SMG6: variants seen among roughly 807,000 people sequenced by gnomAD.
SMG6 encodes the protein telomerase-binding protein EST1A.
A neutral mutation model predicts 142.2 loss-of-function variants in SMG6; 66 were observed. That is an observed-to-expected ratio of 0.46 (90% CI 0.38 to 0.57). SMG6 has a LOEUF of 0.57. Ranked by LOEUF, SMG6 falls within the 20% of genes least tolerant of loss-of-function variation. The pLI, the probability that SMG6 is intolerant of heterozygous loss-of-function variation, is 0.00. For synonymous variants in SMG6, 779 were observed against 702.4 expected, an observed-to-expected ratio of 1.11 and a Z score of -1.72; for missense variants, 1,793 against 1,832.0, an observed-to-expected ratio of 0.98 and a Z score of 0.39.
chr17:2,131,639 A>G (rs1282778331), intron 13 of SMG6, among the ~76,000 whole-genome samples: 1 of 152,182 alleles, frequency 6.6e-6, no homozygotes, highest in Non-Finnish European at 1.5e-5. Context: ...TGGAAAGGAA[A>G]TGGCTGATTT....
chr17:2,186,512 G>T, intron 12 of SMG6, 151 bp downstream of exon 12: 1 of 778,194 alleles, frequency 1.3e-6, no homozygotes, highest in Non-Finnish European at 2.1e-6. Flanking sequence ...CAGAGGATAG[G>T]GAAGGTATTC....
At chr17:2,098,179 A>C (rs1241540475) in intron 13 of SMG6, among the ~76,000 whole-genome samples, 1 of 151,958 alleles carries the variant, frequency 6.6e-6, no homozygotes, top group Non-Finnish European at 1.5e-5. Context: ...ACGGGGTTTC[A>C]CCATATTGCC....
chr17:2,261,388 AT>A (rs2074311081), intron 8 of SMG6, among the ~76,000 whole-genome samples: 1 of 152,090 alleles, frequency 6.6e-6, no homozygotes, highest in Non-Finnish European at 1.5e-5. Flanking sequence ...GTATGCTTAC[AT>A]TGTCACAATT....
chr17:2,118,545 A>C (rs890649427), intron 13 of SMG6, among the ~76,000 whole-genome samples: 1 of 152,202 alleles, frequency 6.6e-6, no homozygotes, highest in South Asian at 2.1e-4. Context: ...TCTCAAAAAA[A>C]AATTTATTTC....
At position 2,085,870 on chromosome 17, in the gene SMG6, A is replaced by T; in HGVS notation, c.3389T>A (p.Val1130Glu). The change falls in exon 14 of 19, where the codon GTG becomes GAG. Residue 1130 changes from valine (V) to glutamate (E), a missense_variant. Transcript: ENST00000263073. The surrounding 1 kb of genome is among the most constrained non-coding windows in gnomAD (Gnocchi z 4.1). Reference protein sequence around the residue: ...VIAADCKRVTVLKYFLEALCG... With the variant: ...VIAADCKRVTELKYFLEALCG... Reference sequence around the variant, plus strand: ...AAGGGCTTCCAGAAAATACTTCAGCACTGTGACCCTTTTGCAGTCAGCTGC... The same window carrying T: ...AAGGGCTTCCAGAAAATACTTCAGCTCTGTGACCCTTTTGCAGTCAGCTGC... 6.2e-7 allele frequency: 1 copy of T among 1,614,184 alleles called. No homozygotes were observed. Among genetic ancestry groups the T allele is most frequent in the Non-Finnish European group, 8.5e-7 (1 of 1,180,018 alleles).
At chr17:2,146,754 T>C (rs1189129987) in intron 13 of SMG6, among the ~76,000 whole-genome samples, 2 of 152,080 alleles carry the variant, frequency 1.3e-5, no homozygotes, top group African/African-American at 2.4e-5. Flanking sequence ...TTAGTAGAAA[T>C]TGGGTTTCAC....
chr17:2,106,326 CCT>C (rs1436101060), intron 13 of SMG6, among the ~76,000 whole-genome samples: 5 of 152,234 alleles, frequency 3.3e-5, no homozygotes, highest in African/African-American at 1.2e-4. Flanking sequence ...TGTTCCATGC[CCT>C]GTTATGCCAG....
chr17:2,144,901 C>G (rs770766283), intron 13 of SMG6, among the ~76,000 whole-genome samples: 7 of 152,052 alleles, frequency 4.6e-5, no homozygotes, highest in Non-Finnish European at 8.8e-5. Flanking sequence ...GCTTTCAGGC[C>G]CGCTCACCAT....
At chr17:2,278,563 A>G (rs2074712966) in intron 8 of SMG6, among the ~76,000 whole-genome samples, 1 of 152,200 alleles carries the variant, frequency 6.6e-6, no homozygotes, top group South Asian at 2.1e-4. Context: ...TAGTTATGCA[A>G]CTTGAAAAGT....
chr17:2,294,197 A>G (rs2075099099), intron 4 of SMG6, among the ~76,000 whole-genome samples: 1 of 152,204 alleles, frequency 6.6e-6, no homozygotes, highest in African/African-American at 2.4e-5. Flanking sequence ...GTACCTCAGC[A>G]AAGTTATAAT....
At chr17:2,119,587 C>T (rs1490515301) in intron 13 of SMG6, among the ~76,000 whole-genome samples, 1 of 152,088 alleles carries the variant, frequency 6.6e-6, no homozygotes, top group Admixed American at 6.6e-5. Context: ...GCAACCTCTG[C>T]CTCCTGGGTT....
chr17:2,191,559 C>A (rs1211611130), intron 10 of SMG6, among the ~76,000 whole-genome samples: 1 of 152,166 alleles, frequency 6.6e-6, no homozygotes, highest in African/African-American at 2.4e-5. Flanking sequence ...AACAGCCTTT[C>A]CCCTTCTTTC....
intron 18 of SMG6, 68 bp downstream of exon 18, chr17:2,065,005 G>A (rs2067896936): frequency 7.9e-7 from 1 of 1,263,340 alleles, no homozygotes; most frequent in African/African-American, 1.5e-5. Context: ...CTTCTCAGGG[G>A]CTGAGGATGG....
rs1043320657 is a variant in SMG6 at position 2,068,448 on chromosome 17, G to A, written c.3835+330C>T. ...AGCACTGCCGTTATCTGCCAGGGCT[G>A]AGTGTTTACCAATAACGGGAACCAG... is the stretch of plus-strand genomic sequence containing the variant. On this transcript the variant is annotated intron_variant, in intron 16 of 18. Transcript: ENST00000263073. The surrounding 1 kb of genome is among the most constrained non-coding windows in gnomAD (Gnocchi z 6.7). Among the ~76,000 whole-genome samples the A allele has an allele frequency of 2.0e-5, 3 of 152,238 alleles. No homozygotes were observed. The highest frequency in any genetic ancestry group is 4.4e-5 in the Non-Finnish European group (3 of 68,034).
intron 8 of SMG6, among the ~76,000 whole-genome samples, chr17:2,253,119 T>TTTTATTTATTTATTTATTTA (rs10528623): frequency 2.6e-4 from 34 of 130,652 alleles, no homozygotes; most frequent in South Asian, 2.4e-4. Context: ...AAATATTTTA[T>TTTTATTTATTTATTTATTTA]TTTATTTATT....
In SMG6 at chr17:2,297,924, T is replaced by C; in HGVS notation, c.1979A>G (p.Lys660Arg). The C allele has an allele frequency of 6.2e-7, 1 of 1,613,290 alleles. No homozygotes were observed. The highest frequency in any genetic ancestry group is 8.5e-7 in the Non-Finnish European group (1 of 1,180,022). ...QVIEKFRQLVKDPNVENPEQI... is the reference protein window; with the variant it reads ...QVIEKFRQLVRDPNVENPEQI... ...TTCTGGGTTCTCAACATTCGGATCC[T>C]TGACAAGTTGCCTGAACTTCTCAAT... The change falls in exon 3 of 19, where the codon AAG becomes AGG. Residue 660 changes from lysine (K) to arginine (R), a missense_variant. By Grantham distance (26) the Lys-to-Arg change is conservative (BLOSUM62 2). This residue lies in a region of SMG6 where 1,597 missense variants were observed against 1,584.6 expected (regional missense o/e 1.01). Transcript: ENST00000263073.
intron 10 of SMG6, among the ~76,000 whole-genome samples, chr17:2,221,557 A>C (rs1401227898): frequency 1.3e-5 from 2 of 152,240 alleles, no homozygotes; most frequent in East Asian, 3.8e-4. Context: ...ACAACAGTAG[A>C]TACCAAAGCA....
At chr17:2,127,163 A>G (rs1038579718) in intron 13 of SMG6, among the ~76,000 whole-genome samples, 4 of 149,188 alleles carry the variant, frequency 2.7e-5, no homozygotes, top group African/African-American at 1.0e-4. Flanking sequence ...AAAAAAAAAG[A>G]CAAATATTGC....
chr17:2,137,708 C>T (rs1262331955), intron 13 of SMG6, among the ~76,000 whole-genome samples: 1 of 152,108 alleles, frequency 6.6e-6, no homozygotes, highest in East Asian at 1.9e-4. Context: ...CTTGAGAGAA[C>T]TTGATGGGAA....
Sources: gnomAD v4.1 joint callset for allele counts (sites outside exome capture counted in the v4.1 genomes callset) on GRCh38, gnomAD v4.1.1 for gene constraint, gnomAD v4.1.1 regional missense constraint, Gnocchi (gnomAD v3.1) non-coding constraint, MANE v1.5 for transcripts, NCBI Gene and HGNC (gene_info 2026-07-23, HGNC 2026-07-21) for gene names.